The following CSMD2 variants were observed in gnomAD, a reference collection of about 807,000 sequenced individuals.
The protein encoded by CSMD2 is CUB and Sushi multiple domains 2, also known as CUB and sushi domain-containing protein 2.
In CSMD2, 130 loss-of-function variants were observed where a neutral mutation model predicts 398.5. The observed-to-expected ratio is 0.33, with a 90% CI of 0.28 to 0.38. The LOEUF is 0.38. Ranked by LOEUF, CSMD2 falls within the 10% of genes least tolerant of loss-of-function variation. The probability of loss-of-function intolerance (pLI) is 1.00; values close to 1 mark genes in which losing one functional copy is unlikely to be tolerated. For missense variants in CSMD2, 3,829 were observed against 4,764.9 expected (o/e 0.80, Z 5.78); for synonymous variants, 1,828 against 1,908.5 (o/e 0.96, Z 1.10).
Position 33,700,557 on chromosome 1 carries a change from A to G in CSMD2, c.3693T>C (p.Asp1231=), listed in dbSNP as rs1363341020. 5 of 1,614,120 alleles carry G rather than the reference A, an allele frequency of 3.1e-6. No homozygotes were observed. Among genetic ancestry groups the G allele is most frequent in the Non-Finnish European group, 4.2e-6 (5 of 1,180,046 alleles). The change falls in exon 23 of 71, where the codon GAT becomes GAC. Residue 1231 remains aspartate (D), a synonymous_variant. Transcript: ENST00000373381. ...SSSLWLDFIT[D]AENTSKGFEL... Reference sequence around the variant, plus strand: ...CAAAGCCCTTGCTGGTGTTTTCAGCATCAGTGATGAAATCAAGCCACAGAC... The same window carrying G: ...CAAAGCCCTTGCTGGTGTTTTCAGCGTCAGTGATGAAATCAAGCCACAGAC...
chr1:34,104,948 A>T (rs941008500), intron 1 of CSMD2, among the ~76,000 whole-genome samples: 5 of 152,092 alleles, frequency 3.3e-5, no homozygotes, highest in Non-Finnish European at 5.9e-5. Context: ...ACGCCCTTCC[A>T]CTGCAACCTT....
In CSMD2 at chr1:34,069,128, G is replaced by A. The variant is rs535168185; in HGVS notation, c.404+19849C>T. Among the ~76,000 whole-genome samples, 8 of 152,216 alleles carry A rather than the reference G, an allele frequency of 5.3e-5. No homozygotes were observed. The East Asian group carries it at 1.4e-3, about 26-fold the overall frequency. On this transcript the variant is annotated intron_variant, in intron 2 of 70. Transcript: ENST00000373381. Reference sequence around the variant, plus strand: ...CATTGTTCATCTTGCACCCCCCAGGGCCTCATAAATGTGGCAACTCTTTGG... The same window carrying A: ...CATTGTTCATCTTGCACCCCCCAGGACCTCATAAATGTGGCAACTCTTTGG...
intron 25 of CSMD2, among the ~76,000 whole-genome samples, chr1:33,687,032 C>A (rs902441549): frequency 2.6e-5 from 4 of 152,204 alleles, no homozygotes; most frequent in Middle Eastern, 3.2e-3. Flanking sequence ...GGAGGGTACC[C>A]TCTTTAATTA....
intron 1 of CSMD2, among the ~76,000 whole-genome samples, chr1:34,095,740 A>G (rs1659215786): frequency 6.6e-6 from 1 of 151,192 alleles, no homozygotes; most frequent in Admixed American, 6.6e-5. Flanking sequence ...TAGACCAATA[A>G]CAGGAGCTGA....
chr1:34,142,039 T>C (rs1009406790), intron 1 of CSMD2, among the ~76,000 whole-genome samples: 2 of 152,124 alleles, frequency 1.3e-5, no homozygotes, highest in African/African-American at 4.8e-5. Context: ...GCCTCCCTCA[T>C]AGAAATGTGA....
chr1:33,522,174 C>G (rs747419471), intron 67 of CSMD2, among the ~76,000 whole-genome samples: 7 of 152,152 alleles, frequency 4.6e-5, no homozygotes, highest in Admixed American at 6.5e-5. Context: ...TGTGAGGATG[C>G]CTGTGCTCCT....
chr1:33,822,028 T>C (rs1658210533), intron 7 of CSMD2, among the ~76,000 whole-genome samples: 1 of 152,080 alleles, frequency 6.6e-6, no homozygotes, highest in Non-Finnish European at 1.5e-5. Context: ...GATCAGACTT[T>C]TACGGGGTTT....
At chr1:33,745,224 T>C (rs539448921) in intron 13 of CSMD2, among the ~76,000 whole-genome samples, 1 of 152,338 alleles carries the variant, frequency 6.6e-6, no homozygotes, top group East Asian at 1.9e-4. Context: ...TAAATATTTG[T>C]TTATAAATGG....
intron 1 of CSMD2, among the ~76,000 whole-genome samples, chr1:34,114,226 C>T (rs1339608275): frequency 6.6e-6 from 1 of 152,036 alleles, no homozygotes; most frequent in Non-Finnish European, 1.5e-5. Context: ...AAGGAAAGCC[C>T]CCAGAACCTC....
At chr1:33,719,295 G>A (rs1646277681) in intron 19 of CSMD2, among the ~76,000 whole-genome samples, 3 of 152,186 alleles carry the variant, frequency 2.0e-5, no homozygotes, top group Admixed American at 2.0e-4. Context: ...GAGCGGGTGA[G>A]ACCCAGTCAC....
intron 6 of CSMD2, among the ~76,000 whole-genome samples, chr1:33,830,116 C>T (rs1263729713): frequency 1.3e-5 from 2 of 152,232 alleles, no homozygotes; most frequent in Non-Finnish European, 2.9e-5. Flanking sequence ...GTAACCTCTG[C>T]AGACTTAAAT....
At chr1:33,593,146 A>G (rs1195998577) in intron 44 of CSMD2, among the ~76,000 whole-genome samples, 5 of 152,076 alleles carry the variant, frequency 3.3e-5, no homozygotes, top group African/African-American at 4.8e-5. Context: ...AAGGAAGGAA[A>G]CTCTGACACA....
chr1:33,987,640 C>A, intron 3 of CSMD2, among the ~76,000 whole-genome samples: 1 of 152,292 alleles, frequency 6.6e-6, no homozygotes, highest in East Asian at 1.9e-4. Flanking sequence ...GCTTGACCTC[C>A]CACCCAGATC....
chr1:33,586,792 G>T (rs1254179453), intron 45 of CSMD2, among the ~76,000 whole-genome samples, 175 bp from the exon 46 acceptor site: 2 of 152,156 alleles, frequency 1.3e-5, no homozygotes, highest in Non-Finnish European at 2.9e-5. Flanking sequence ...ACTCAGCCTT[G>T]TGTGAGCCTC....
intron 3 of CSMD2, among the ~76,000 whole-genome samples, chr1:33,982,070 G>A (rs1228421708): frequency 1.3e-5 from 2 of 152,186 alleles, no homozygotes; most frequent in African/African-American, 4.8e-5. Flanking sequence ...GAGACAAGAT[G>A]GAACCTCAGG....
chr1:33,919,770 C>T (rs778068658), intron 4 of CSMD2, among the ~76,000 whole-genome samples: 1 of 151,994 alleles, frequency 6.6e-6, no homozygotes, highest in Non-Finnish European at 1.5e-5. Flanking sequence ...AGTGATAGCA[C>T]ATAGTTAGGA....
intron 25 of CSMD2, among the ~76,000 whole-genome samples, chr1:33,683,454 A>G (rs2149073578): frequency 6.6e-6 from 1 of 152,104 alleles, no homozygotes; most frequent in East Asian, 1.9e-4. Flanking sequence ...TTATTTTTGG[A>G]AAGGGAGAGA....
rs2148883861 is a variant in CSMD2 at position 33,624,975 on chromosome 1, G to T, written c.5500+76C>A. 6.9e-7 allele frequency: 1 copy of T among 1,445,070 alleles called. No homozygotes were observed. Among genetic ancestry groups the T allele is most frequent in the Non-Finnish European group, 9.7e-7 (1 of 1,033,052 alleles). 89.5% of individuals were successfully genotyped at this position (1,445,070 alleles called of 1,614,324 possible). A position where few individuals can be genotyped will look rare whatever the true frequency, so the allele number is the denominator to read the frequency against. ...CTGTGTGTCGTGGGGCATCACTGGG[G>T]CTGACTGCCTCCCCTACAGAGAAAG... On this transcript the variant is annotated intron_variant, in intron 34 of 70. Coordinates refer to ENST00000373381, the MANE Select transcript of CSMD2 (RefSeq NM_001281956.2). The surrounding 1 kb of genome is among the most constrained non-coding windows in gnomAD (Gnocchi z 4.7).
At position 33,874,897 on chromosome 1, in the gene CSMD2, T is replaced by C. The variant is rs547939557; in HGVS notation, c.921-27901A>G. Among the ~76,000 whole-genome samples, 3 of 152,368 alleles carry C rather than the reference T, an allele frequency of 2.0e-5. No individual in the cohort carries two copies. In the East Asian group the frequency reaches 5.8e-4, roughly 29 times the overall value. On this transcript the variant is annotated intron_variant, in intron 5 of 70. Transcript: ENST00000373381. ...GGGCATGGAAGAACTCTGTGGTCCC[T>C]GGGGCTGTCCCTCACTGATGCAGCT...
Sources: gnomAD v4.1 joint callset for allele counts (sites outside exome capture counted in the v4.1 genomes callset) on GRCh38, gnomAD v4.1.1 for gene constraint, Gnocchi (gnomAD v3.1) non-coding constraint, MANE v1.5 for transcripts, NCBI Gene and HGNC (gene_info 2026-07-23, HGNC 2026-07-21) for gene names.